The following ZDHHC21 variants were observed in gnomAD, a reference collection of about 807,000 sequenced individuals.
ZDHHC21 encodes the protein palmitoyltransferase ZDHHC21.
A neutral mutation model predicts 34.6 loss-of-function variants in ZDHHC21; 15 were observed. The observed-to-expected ratio is 0.43, with a 90% CI of 0.29 to 0.67. The LOEUF (loss-of-function observed/expected upper bound fraction) is 0.67. ZDHHC21 is among the 30% of genes least tolerant of loss of function. The pLI is 0.14. For synonymous variants in ZDHHC21, 142 were observed against 101.8 expected, an observed-to-expected ratio of 1.40 and a Z score of -2.38; for missense variants, 344 against 327.7, an observed-to-expected ratio of 1.05 and a Z score of -0.38.
chr9:14,623,955 G>A (rs1222767795), intron 8 of ZDHHC21, among the ~76,000 whole-genome samples: 1 of 152,024 alleles, frequency 6.6e-6, no homozygotes, highest in Non-Finnish European at 1.5e-5. Context: ...AAACAGTATG[G>A]AGGCACCTCA....
chr9:14,681,268 A>T (rs991354289), intron 2 of ZDHHC21, among the ~76,000 whole-genome samples: 1 of 152,136 alleles, frequency 6.6e-6, no homozygotes, highest in African/African-American at 2.4e-5. Context: ...TATGTTGCCC[A>T]GACTGGAGTG....
chr9:14,641,496 G>A (rs908682195), intron 7 of ZDHHC21, among the ~76,000 whole-genome samples: 3 of 152,060 alleles, frequency 2.0e-5, no homozygotes, highest in African/African-American at 7.2e-5. Context: ...TCATTCTTAT[G>A]CATACTTTTA....
At chr9:14,591,490 TTATA>T in the ZDHHC21 span, among the ~76,000 whole-genome samples, 72 of 152,302 alleles carry the variant, frequency 4.7e-4, 1 homozygote, top group South Asian at 0.015. Context: ...TTTCTGTTCT[TTATA>T]TATTCTCCAG....
intron 7 of ZDHHC21, among the ~76,000 whole-genome samples, chr9:14,647,186 T>C (rs1170287696): frequency 1.3e-5 from 2 of 152,056 alleles, no homozygotes; most frequent in African/African-American, 4.8e-5. Context: ...CATGAAATAT[T>C]AATAATATTC....
the ZDHHC21 span, among the ~76,000 whole-genome samples, chr9:14,604,101 C>G: frequency 6.6e-6 from 1 of 152,040 alleles, no homozygotes; most frequent in Non-Finnish European, 1.5e-5. Flanking sequence ...ATAGGAAAAA[C>G]TCATTACATA....
intron 5 of ZDHHC21, among the ~76,000 whole-genome samples, chr9:14,667,096 C>T (rs1479512237): frequency 1.9e-5 from 2 of 104,654 alleles, no homozygotes; most frequent in South Asian, 4.4e-4. Context: ...AATTGATAGA[C>T]CGCTAGCAAG....
At chr9:14,656,696 C>A (rs1458218522) in intron 7 of ZDHHC21, among the ~76,000 whole-genome samples, 2 of 151,842 alleles carry the variant, frequency 1.3e-5, no homozygotes, top group African/African-American at 4.8e-5. Flanking sequence ...ACTGTCAGAT[C>A]CCTAGAATTA....
At chr9:14,661,810 TATTA>T (rs1408741657) in intron 6 of ZDHHC21, among the ~76,000 whole-genome samples, 2 of 152,168 alleles carry the variant, frequency 1.3e-5, no homozygotes, top group Admixed American at 6.5e-5. Flanking sequence ...TCTGAAATGT[TATTA>T]ATTAAACAAA....
chr9:14,604,608 A>T, the ZDHHC21 span, among the ~76,000 whole-genome samples: 1 of 152,210 alleles, frequency 6.6e-6, no homozygotes, highest in South Asian at 2.1e-4. Context: ...AAAAAAGCAA[A>T]ACATTAGCAT....
intron 2 of ZDHHC21, among the ~76,000 whole-genome samples, chr9:14,687,345 C>G (rs192983987): frequency 6.6e-6 from 1 of 150,880 alleles, no homozygotes; most frequent in East Asian, 1.9e-4. Context: ...ACCACTACCT[C>G]TGAGAAATGA....
intron 6 of ZDHHC21, 90 bp downstream of exon 6, chr9:14,662,125 A>T: frequency 1.3e-6 from 1 of 783,752 alleles, no homozygotes; most frequent in Non-Finnish European, 2.0e-6. Context: ...ATATAACTTT[A>T]ACATAACTGT....
chr9:14,588,834 G>T, the ZDHHC21 span: 2 of 152,108 alleles, frequency 1.3e-5, no homozygotes, highest in East Asian at 3.9e-4. Flanking sequence ...TGTAACAGAA[G>T]CAGCCTGAGA....
At chr9:14,607,317 A>T (rs1200938616), downstream of ZDHHC21, among the ~76,000 whole-genome samples, 2 of 152,026 alleles carry the variant, frequency 1.3e-5, no homozygotes, top group African/African-American at 2.4e-5. Context: ...GTGTGGGAGG[A>T]TGGCTTGAGC....
At chr9:14,621,767 A>G (rs966715781) in intron 8 of ZDHHC21, among the ~76,000 whole-genome samples, 17 of 152,142 alleles carry the variant, frequency 1.1e-4, no homozygotes, top group Admixed American at 2.0e-4. Flanking sequence ...CACATTCACT[A>G]GCAGGACAGA....
intron 8 of ZDHHC21, chr9:14,622,574 G>C (rs760663344): frequency 1.0e-6 from 1 of 985,148 alleles, no homozygotes; most frequent in East Asian, 1.1e-4. Context: ...TAGAGCGCTT[G>C]ATGATACAAT....
At chr9:14,602,928 CAAAAAAAAAAAAAA>C in the ZDHHC21 span, among the ~76,000 whole-genome samples, 265 of 88,036 alleles carry the variant, frequency 3.0e-3, no homozygotes, top group South Asian at 4.4e-3. Flanking sequence ...GACTTCATCT[CAAAAAAAAAAAAAA>C]AAAAAAAAAA....
At chr9:14,638,549 A>G (rs1322540519) in intron 8 of ZDHHC21, among the ~76,000 whole-genome samples, 3 of 152,054 alleles carry the variant, frequency 2.0e-5, no homozygotes, top group Admixed American at 6.6e-5. Flanking sequence ...GGACTCTATT[A>G]AATTAAAAAG....
chr9:14,602,441 C>G, the ZDHHC21 span, among the ~76,000 whole-genome samples: 4 of 151,762 alleles, frequency 2.6e-5, no homozygotes, highest in Non-Finnish European at 4.4e-5. Flanking sequence ...AAAAACTTCC[C>G]AAGTCTTGCC....
At chr9:14,647,329 G>T (rs577890353) in intron 7 of ZDHHC21, among the ~76,000 whole-genome samples, 2 of 152,058 alleles carry the variant, frequency 1.3e-5, no homozygotes, top group Admixed American at 6.6e-5. Context: ...GGCTATTTAT[G>T]ATCTAACAAA....
Sources: gnomAD v4.1 joint callset for allele counts (sites outside exome capture counted in the v4.1 genomes callset) on GRCh38, gnomAD v4.1.1 for gene constraint, MANE v1.5 for transcripts, NCBI Gene and HGNC (gene_info 2026-07-23, HGNC 2026-07-21) for gene names.